MMS22L: variants seen among roughly 807,000 people sequenced by gnomAD.
MMS22L encodes the protein MMS22 like, DNA repair protein.
MMS22L carries 74 observed loss-of-function variants against 159.1 expected under a neutral mutation model. The ratio of observed to expected loss-of-function variants is 0.47; its 90% CI spans 0.39 to 0.56. The LOEUF is 0.56. MMS22L is among the 20% of genes least tolerant of loss of function. The pLI is 0.00. For missense variants in MMS22L, 1,351 were observed against 1,422.1 expected (o/e 0.95, Z 0.80); for synonymous variants, 517 against 506.9 (o/e 1.02, Z -0.27).
intron 14 of MMS22L, among the ~76,000 whole-genome samples, chr6:97,214,007 T>C (rs1471815624): frequency 6.6e-6 from 1 of 152,204 alleles, no homozygotes; most frequent in African/African-American, 2.4e-5. Context: ...TTTGCATCTG[T>C]TGGATATATG....
chr6:97,145,467 AC>A lies in MMS22L; in HGVS notation c.*1338del, dbSNP rs1800891259. ...TAAAGACTATAATCCCAAGAAGGAA[AC>A]AAAGTACTTCAAAGTTAGAAAACAT... is the stretch of plus-strand genomic sequence containing the variant. On this transcript the variant is annotated 3_prime_UTR_variant, in exon 25 of 25. Transcript: ENST00000683635. 6.6e-6 allele frequency: 1 copy of A among 152,246 alleles called. No individual in the cohort carries two copies. The highest frequency in any genetic ancestry group is 2.4e-5 in the African/African-American group (1 of 41,472). 9.4% of individuals were successfully genotyped at this position (152,246 alleles called of 1,614,324 possible).
chr6:97,220,379 A>G (rs909576553), intron 14 of MMS22L, among the ~76,000 whole-genome samples: 2 of 152,180 alleles, frequency 1.3e-5, no homozygotes, highest in Admixed American at 1.3e-4. Flanking sequence ...TTTTTAATGT[A>G]ATGAAATGTT....
chr6:97,143,586 AAAC>A lies in MMS22L; in HGVS notation c.*3217_*3219del, dbSNP rs1169119990. The A allele has an allele frequency of 6.6e-6, 1 of 152,248 alleles. No individual in the cohort carries two copies. The highest frequency in any genetic ancestry group is 1.5e-5 in the Non-Finnish European group (1 of 68,062). 9.4% of individuals were successfully genotyped at this position (152,248 alleles called of 1,614,324 possible). On this transcript the variant is annotated 3_prime_UTR_variant, in exon 25 of 25. Coordinates refer to ENST00000683635, the MANE Select transcript of MMS22L (RefSeq NM_001350599.2). ...ATAAGTAGTGCCCAACAGAAAAAAC[AAAC>A]AACCAGTGGATGCAAGGCACTGCAA... is the stretch of plus-strand genomic sequence containing the variant.
At chr6:97,153,096 C>T (rs749798010) in intron 22 of MMS22L, among the ~76,000 whole-genome samples, 1 of 152,014 alleles carries the variant, frequency 6.6e-6, no homozygotes, top group Non-Finnish European at 1.5e-5. Context: ...CCCACCTTGG[C>T]GTCCCAAAGC....
rs756251643 is a variant in MMS22L, at chr6:97,198,966, TTA to T, written c.2040-12278_2040-12277del. 3.0e-4 allele frequency among the ~76,000 whole-genome samples: 45 copies of T among 152,256 alleles called. 1 individual carries two copies. The highest frequency in any genetic ancestry group is 1.3e-3 in the Admixed American group (20 of 15,278). Reference sequence around the variant, plus strand: ...TTTAGTTTTCCCTAGATGTAAGGTATTATGTTTATGAACCTATGGAGACCACC... The same window carrying T: ...TTTAGTTTTCCCTAGATGTAAGGTATTGTTTATGAACCTATGGAGACCACC... On this transcript the variant is annotated intron_variant, in intron 14 of 24. Coordinates refer to ENST00000683635, the MANE Select transcript of MMS22L (RefSeq NM_001350599.2).
chr6:97,273,244 C>T (rs1426895464), intron 4 of MMS22L, 182 bp from the exon 5 acceptor site: 4 of 588,066 alleles, frequency 6.8e-6, no homozygotes, highest in Admixed American at 3.3e-5. Context: ...TCACCAATCA[C>T]ACCCACATTG....
intron 22 of MMS22L, among the ~76,000 whole-genome samples, chr6:97,161,102 G>C (rs1802388258): frequency 6.6e-6 from 1 of 151,994 alleles, no homozygotes; most frequent in South Asian, 2.1e-4. Flanking sequence ...TCAGTATATG[G>C]ATTGTATGTG....
At chr6:97,167,690 C>T (rs1803105349) in intron 20 of MMS22L, among the ~76,000 whole-genome samples, 1 of 152,060 alleles carries the variant, frequency 6.6e-6, no homozygotes, top group Non-Finnish European at 1.5e-5. Context: ...TGCCCTTGTA[C>T]ATGTTGCTCC....
intron 14 of MMS22L, among the ~76,000 whole-genome samples, chr6:97,197,059 C>A (rs12207304): frequency 0.4 from 60,964 of 151,332 alleles, 12,352 homozygotes; most frequent in South Asian, 0.48. Context: ...TTAACACACA[C>A]AAAAAAAATA....
At chr6:97,255,539 C>A (rs542621139) in intron 9 of MMS22L, among the ~76,000 whole-genome samples, 14 of 152,050 alleles carry the variant, frequency 9.2e-5, no homozygotes, top group Non-Finnish European at 1.5e-4. Context: ...CTATGAAGGG[C>A]TTATTGCTAA....
intron 22 of MMS22L, among the ~76,000 whole-genome samples, chr6:97,158,882 C>T (rs1802129202): frequency 6.6e-6 from 1 of 151,790 alleles, no homozygotes; most frequent in Non-Finnish European, 1.5e-5. Context: ...TTTTCTATCT[C>T]ATTGATCTAA....
chr6:97,235,960 T>A lies in MMS22L; in HGVS notation c.1183-1980A>T, dbSNP rs1811352114. Reference sequence around the variant, plus strand: ...AGGAATTCTTACCTGACCAATTCTATTTTTCAATGATTTATGAGGCAAGAT... The same window carrying A: ...AGGAATTCTTACCTGACCAATTCTAATTTTCAATGATTTATGAGGCAAGAT... On this transcript the variant is annotated intron_variant, in intron 11 of 24. Coordinates refer to ENST00000683635, the MANE Select transcript of MMS22L (RefSeq NM_001350599.2). Among the ~76,000 whole-genome samples the A allele has an allele frequency of 4.6e-5, 7 of 152,172 alleles. No individual in the cohort carries two copies. In the South Asian group the frequency reaches 1.2e-3, roughly 27 times the overall value.
chr6:97,175,709 C>T (rs1804045204), intron 18 of MMS22L, among the ~76,000 whole-genome samples: 1 of 152,150 alleles, frequency 6.6e-6, no homozygotes, highest in African/African-American at 2.4e-5. Flanking sequence ...CCATTCTCAT[C>T]AGAAAATAAG....
intron 14 of MMS22L, among the ~76,000 whole-genome samples, chr6:97,212,008 T>C (rs1248803050): frequency 1.3e-5 from 2 of 152,210 alleles, no homozygotes; most frequent in African/African-American, 2.4e-5. Context: ...TGCTTTATTT[T>C]ATGTAGGGCA....
chr6:97,187,441 G>T (rs1403684440), intron 14 of MMS22L, among the ~76,000 whole-genome samples: 5 of 152,108 alleles, frequency 3.3e-5, no homozygotes, highest in African/African-American at 1.2e-4. Flanking sequence ...GGAACAGAAG[G>T]CATTTATGTT....
chr6:97,171,397 A>C (rs1365517083), intron 19 of MMS22L, among the ~76,000 whole-genome samples: 6 of 152,196 alleles, frequency 3.9e-5, no homozygotes. Context: ...GGAAATTTGC[A>C]CTTGGCACCA....
At chr6:97,241,087 T>C (rs1195639784) in intron 11 of MMS22L, among the ~76,000 whole-genome samples, 1 of 152,230 alleles carries the variant, frequency 6.6e-6, no homozygotes, top group Non-Finnish European at 1.5e-5. Context: ...CTGAGTGTTG[T>C]CACTAAGAAT....
rs1212329593 is a variant in MMS22L at position 97,167,937 on chromosome 6, G to C, written c.3009+134C>G. On this transcript the variant is annotated intron_variant, in intron 20 of 24. Coordinates refer to ENST00000683635, the MANE Select transcript of MMS22L (RefSeq NM_001350599.2). ...CAAACATAAAAGCAATTTAAAATAT[G>C]TTCAATAAATGTGCCACACAAGCAT... 3 of 785,518 alleles carry C rather than the reference G, an allele frequency of 3.8e-6. No homozygotes were observed. The African/African-American group carries it at 5.5e-5, about 14-fold the overall frequency. 48.7% of individuals were successfully genotyped at this position (785,518 alleles called of 1,614,324 possible). A position where few individuals can be genotyped will look rare whatever the true frequency, so the allele number is the denominator to read the frequency against.
intron 3 of MMS22L, among the ~76,000 whole-genome samples, chr6:97,280,545 C>G (rs1002118405): frequency 2.0e-5 from 3 of 152,084 alleles, no homozygotes; most frequent in Admixed American, 1.3e-4. Context: ...GTTGGTCAGG[C>G]TGGTCTCGAA....
Sources: allele counts gnomAD v4.1 joint callset (sites outside exome capture counted in the v4.1 genomes callset), GRCh38; gene constraint gnomAD v4.1.1; transcripts MANE v1.5; gene names NCBI Gene and HGNC (gene_info 2026-07-23, HGNC 2026-07-21).